The following CADM2 variants were observed in gnomAD, a reference collection of about 807,000 sequenced individuals.
The protein encoded by CADM2 is immunoglobulin superfamily member 4D.
In CADM2, 12 loss-of-function variants were observed where a neutral mutation model predicts 49.8. The ratio of observed to expected loss-of-function variants is 0.24; its 90% CI spans 0.15 to 0.39. CADM2 has a LOEUF of 0.39. CADM2 is among the 10% of genes least tolerant of loss of function. The pLI is 1.00. For missense variants in CADM2, 378 were observed against 492.3 expected, an observed-to-expected ratio of 0.77 and a Z score of 2.20; for synonymous variants, 214 against 175.4, an observed-to-expected ratio of 1.22 and a Z score of -1.74.
chr3:85,950,002 T>C (rs1723251724), intron 7 of CADM2, among the ~76,000 whole-genome samples: 1 of 151,080 alleles, frequency 6.6e-6, no homozygotes. Context: ...GTTGATAAAA[T>C]GGAAGATTCT....
chr3:85,404,589 C>T (rs1261787403), intron 1 of CADM2, among the ~76,000 whole-genome samples: 3 of 152,048 alleles, frequency 2.0e-5, no homozygotes, highest in Non-Finnish European at 4.4e-5. Flanking sequence ...AATAATCAAT[C>T]TATGTAAGAC....
At chr3:85,775,035 T>A (rs2070290990) in intron 2 of CADM2, among the ~76,000 whole-genome samples, 1 of 151,680 alleles carries the variant, frequency 6.6e-6, no homozygotes, top group Non-Finnish European at 1.5e-5. Flanking sequence ...TATATAATCA[T>A]GAAGATAAGC....
intron 1 of CADM2, among the ~76,000 whole-genome samples, chr3:85,669,678 G>A (rs543781982): frequency 3.3e-5 from 5 of 152,114 alleles, no homozygotes; most frequent in African/African-American, 1.2e-4. Flanking sequence ...TAGTATAAGA[G>A]GATAGCATCC....
At chr3:85,240,123 A>C (rs558156140) in intron 1 of CADM2, among the ~76,000 whole-genome samples, 35 of 151,436 alleles carry the variant, frequency 2.3e-4, no homozygotes, top group Admixed American at 1.6e-3. Flanking sequence ...TACCAGATTC[A>C]AGTGTAATCT....
intron 1 of CADM2, among the ~76,000 whole-genome samples, chr3:85,296,299 A>G (rs1176890223): frequency 1.3e-5 from 2 of 152,100 alleles, no homozygotes; most frequent in Admixed American, 1.3e-4. Flanking sequence ...CAGTACAAGA[A>G]TTAATATGTA....
intron 1 of CADM2, among the ~76,000 whole-genome samples, chr3:85,401,918 T>C (rs1032673999): frequency 6.6e-6 from 1 of 152,160 alleles, no homozygotes; most frequent in Non-Finnish European, 1.5e-5. Flanking sequence ...ATTTAAGAGA[T>C]ATTTGGATTT....
At chr3:85,143,178 A>C (rs2107631734) in intron 1 of CADM2, among the ~76,000 whole-genome samples, 1 of 152,272 alleles carries the variant, frequency 6.6e-6, no homozygotes, top group Admixed American at 6.5e-5. Context: ...GATTAAACAA[A>C]ATTTGGAATA....
At position 86,013,965 on chromosome 3, in the gene CADM2, G is replaced by A. The variant is rs186045761; in HGVS notation, c.971-51640G>A. On this transcript the variant is annotated intron_variant, in intron 8 of 9. Transcript: ENST00000383699. ...GTTGGCAAAATCAGTACCTGTTATG[G>A]GAGTATCTGTTGCATTAGGAACAAT... The A allele has an allele frequency of 3.8e-5, 59 of 1,533,130 alleles. No individual in the cohort carries two copies. In the East Asian group the frequency reaches 1.3e-3, roughly 34 times the overall value. 95.0% of individuals were successfully genotyped at this position (1,533,130 alleles called of 1,614,324 possible).
At chr3:85,164,993 T>C (rs182385761) in intron 1 of CADM2, among the ~76,000 whole-genome samples, 27 of 151,856 alleles carry the variant, frequency 1.8e-4, no homozygotes, top group African/African-American at 5.8e-4. Context: ...TGTTTCACGT[T>C]GGTCAGGAGT....
At chr3:85,241,150 C>T (rs1200226195) in intron 1 of CADM2, among the ~76,000 whole-genome samples, 1 of 151,324 alleles carries the variant, frequency 6.6e-6, no homozygotes, top group African/African-American at 2.4e-5. Context: ...TTAACCTACT[C>T]CCGAGATTGA....
intron 6 of CADM2, among the ~76,000 whole-genome samples, chr3:85,926,115 G>A (rs998016280): frequency 1.3e-5 from 2 of 151,202 alleles, no homozygotes; most frequent in Non-Finnish European, 2.9e-5. Context: ...CCAGCCGGAC[G>A]ACAGAGTGAG....
intron 1 of CADM2, among the ~76,000 whole-genome samples, chr3:85,477,054 G>A (rs1043945039): frequency 1.3e-5 from 2 of 151,760 alleles, no homozygotes; most frequent in African/African-American, 2.4e-5. Flanking sequence ...TTTGCAGCAT[G>A]TTACATTGAG....
intron 2 of CADM2, among the ~76,000 whole-genome samples, chr3:85,749,726 C>A (rs1029361998): frequency 6.6e-6 from 1 of 151,966 alleles, no homozygotes; most frequent in Non-Finnish European, 1.5e-5. Flanking sequence ...TTTTCATATG[C>A]AGAGGTTCAT....
At chr3:85,385,010 A>G (rs1243014207) in intron 1 of CADM2, among the ~76,000 whole-genome samples, 1 of 151,964 alleles carries the variant, frequency 6.6e-6, no homozygotes, top group East Asian at 1.9e-4. Context: ...ATCTTGGCTC[A>G]CTGCCACTGC....
chr3:86,010,114 G>A (rs1218373603), intron 8 of CADM2, among the ~76,000 whole-genome samples: 1 of 151,788 alleles, frequency 6.6e-6, no homozygotes, highest in African/African-American at 2.4e-5. Flanking sequence ...TCATATTGAT[G>A]ACAGTATGAA....
At chr3:86,059,963 C>T (rs1383502185) in intron 8 of CADM2, among the ~76,000 whole-genome samples, 2 of 151,922 alleles carry the variant, frequency 1.3e-5, no homozygotes, top group African/African-American at 4.8e-5. Context: ...TTCTCATATC[C>T]ATATTATCTT....
chr3:85,552,869 G>T (rs2061848657), intron 1 of CADM2, among the ~76,000 whole-genome samples: 1 of 151,658 alleles, frequency 6.6e-6, no homozygotes, highest in Non-Finnish European at 1.5e-5. Flanking sequence ...GTAGAGACAA[G>T]GATTTCACCG....
chr3:85,518,555 T>C (rs1182479797), intron 1 of CADM2, among the ~76,000 whole-genome samples: 1 of 152,172 alleles, frequency 6.6e-6, no homozygotes, highest in Admixed American at 6.6e-5. Context: ...TTCTGGGAGC[T>C]GGAAGTCTGA....
intron 3 of CADM2, among the ~76,000 whole-genome samples, chr3:85,882,193 A>G (rs1457911893): frequency 1.0e-5 from 1 of 98,502 alleles, no homozygotes; most frequent in East Asian, 3.2e-4. Flanking sequence ...CACCCTCCAC[A>G]CACACTGCTA....
Sources: gnomAD v4.1 joint callset for allele counts (sites outside exome capture counted in the v4.1 genomes callset) on GRCh38, gnomAD v4.1.1 for gene constraint, MANE v1.5 for transcripts, NCBI Gene and HGNC (gene_info 2026-07-23, HGNC 2026-07-21) for gene names.